MSRA: variants seen among roughly 807,000 people sequenced by gnomAD.
The protein encoded by MSRA is methionine sulfoxide reductase A.
In MSRA, 54 loss-of-function variants were observed where a neutral mutation model predicts 31.3. The ratio of observed to expected loss-of-function variants is 1.73; its 90% CI spans 1.39 to 2.17. The LOEUF (loss-of-function observed/expected upper bound fraction) is 2.17. MSRA is among the 30% of genes most tolerant of loss of function. The pLI is 0.00. For missense variants in MSRA, 507 were observed against 300.9 expected (o/e 1.69, Z -5.07); for synonymous variants, 169 against 116.5 (o/e 1.45, Z -2.90).
At chr8:10,299,801 T>A (rs894117072) in intron 3 of MSRA, among the ~76,000 whole-genome samples, 1 of 152,162 alleles carries the variant, frequency 6.6e-6, no homozygotes, top group Non-Finnish European at 1.5e-5. Flanking sequence ...CTGGGTCAAC[T>A]TTACTGAAAA....
chr8:10,301,420 T>C (rs1301348791), intron 3 of MSRA, 114 bp from the exon 4 acceptor site: 5 of 731,362 alleles, frequency 6.8e-6, no homozygotes, highest in Admixed American at 2.5e-5. Flanking sequence ...CCTTCCATTC[T>C]TCCTTCACAG....
intron 1 of MSRA, among the ~76,000 whole-genome samples, chr8:10,204,287 A>G (rs995931022): frequency 6.6e-6 from 1 of 152,082 alleles, no homozygotes; most frequent in African/African-American, 2.4e-5. Flanking sequence ...TAAGTGCGTG[A>G]TATTTATAAA....
chr8:10,397,828 G>T (rs1052759324), intron 5 of MSRA, among the ~76,000 whole-genome samples: 14 of 152,138 alleles, frequency 9.2e-5, no homozygotes, highest in African/African-American at 3.4e-4. Context: ...ATAGTCTTTA[G>T]AACTTTTTAT....
At chr8:10,101,616 C>T (rs1410033734) in intron 1 of MSRA, among the ~76,000 whole-genome samples, 2 of 152,194 alleles carry the variant, frequency 1.3e-5, no homozygotes, top group Admixed American at 6.5e-5. Flanking sequence ...TCAGGTACCT[C>T]ATATAAGTGG....
At chr8:10,189,099 C>T (rs962695331) in intron 1 of MSRA, among the ~76,000 whole-genome samples, 2 of 152,098 alleles carry the variant, frequency 1.3e-5, no homozygotes, top group African/African-American at 4.8e-5. Flanking sequence ...AAAAATCTCC[C>T]TAGTATTTCA....
At chr8:10,116,054 T>A (rs1430295909) in intron 1 of MSRA, among the ~76,000 whole-genome samples, 2 of 152,144 alleles carry the variant, frequency 1.3e-5, no homozygotes, top group Non-Finnish European at 2.9e-5. Context: ...GAGTTGGAGC[T>A]GCTGAAATGG....
chr8:10,295,333 C>G (rs60443766), intron 3 of MSRA, among the ~76,000 whole-genome samples: 2,969 of 152,210 alleles, frequency 0.02, 87 homozygotes, highest in African/African-American at 0.066. Flanking sequence ...CTGCCTCTCT[C>G]ATTTCCCATT....
chr8:10,328,600 A>G (rs1490734180), intron 5 of MSRA, among the ~76,000 whole-genome samples: 1 of 152,046 alleles, frequency 6.6e-6, no homozygotes, highest in African/African-American at 2.4e-5. Context: ...TCTCTACTGT[A>G]TGTGGAATGA....
intron 3 of MSRA, among the ~76,000 whole-genome samples, chr8:10,247,327 C>G (rs1004387321): frequency 2.6e-5 from 4 of 152,164 alleles, no homozygotes; most frequent in African/African-American, 7.2e-5. Context: ...TAGCTCTCAG[C>G]TCAAAGTCTA....
chr8:10,062,087 T>C (rs921469633), intron 1 of MSRA, among the ~76,000 whole-genome samples: 8 of 152,170 alleles, frequency 5.3e-5, no homozygotes, highest in Admixed American at 4.6e-4. Context: ...ATGGGTCTTA[T>C]GAGGGTGAGT....
rs59393980 is a variant in MSRA, at chr8:10,219,806, C to CAAAAAAAAAAAAA, written c.211+11915_211+11927dup. ...GGACGACAGATCGAGACTCTGTCTC[C>CAAAAAAAAAAAAA]AAAAAAAAAAAAAAAAAAAAAAGAT... On this transcript the variant is annotated intron_variant, in intron 2 of 5. Coordinates refer to ENST00000317173, the MANE Select transcript of MSRA (RefSeq NM_012331.5). Among the ~76,000 whole-genome samples, 22 of 57,118 alleles carry CAAAAAAAAAAAAA rather than the reference C, an allele frequency of 3.9e-4. 1 individual carries two copies. The highest frequency in any genetic ancestry group is 6.3e-4 in the African/African-American group (7 of 11,076). 37.5% of individuals were successfully genotyped at this position (57,118 alleles called of 152,430 possible). A position where few individuals can be genotyped will look rare whatever the true frequency, so the allele number is the denominator to read the frequency against.
chr8:10,386,612 G>A (rs1336279400), intron 5 of MSRA, among the ~76,000 whole-genome samples: 5 of 152,166 alleles, frequency 3.3e-5, no homozygotes, highest in Admixed American at 6.5e-5. Context: ...CACAATTGTT[G>A]GGCCTTACCT....
intron 3 of MSRA, among the ~76,000 whole-genome samples, chr8:10,254,978 CT>C (rs1294628835): frequency 1.3e-5 from 2 of 152,170 alleles, no homozygotes; most frequent in African/African-American, 4.8e-5. Flanking sequence ...TTGTTTGAAA[CT>C]TTTATTAGGC....
chr8:10,225,721 G>A (rs980119408), intron 2 of MSRA, among the ~76,000 whole-genome samples: 2 of 152,120 alleles, frequency 1.3e-5, no homozygotes, highest in African/African-American at 2.4e-5. Context: ...GATGTCTGAC[G>A]AGCCTAGTTT....
chr8:10,161,304 C>G (rs145553361), intron 1 of MSRA, among the ~76,000 whole-genome samples: 25 of 152,186 alleles, frequency 1.6e-4, no homozygotes, highest in Non-Finnish European at 7.3e-5. Context: ...CCCCAACCCC[C>G]TGGCTGTTTT....
At chr8:10,397,131 G>A (rs1807145700) in intron 5 of MSRA, among the ~76,000 whole-genome samples, 1 of 152,224 alleles carries the variant, frequency 6.6e-6, no homozygotes, top group Non-Finnish European at 1.5e-5. Context: ...ATCCGCAGGT[G>A]TGGGCTTCAC....
chr8:10,200,404 C>G (rs990001091), intron 1 of MSRA, among the ~76,000 whole-genome samples: 1 of 152,220 alleles, frequency 6.6e-6, no homozygotes, highest in Non-Finnish European at 1.5e-5. Context: ...CTGCCTTCCC[C>G]TTCACCTCCA....
intron 1 of MSRA, 101 bp downstream of exon 1, chr8:10,054,759 G>C (rs1205144303): frequency 1.9e-5 from 24 of 1,270,958 alleles, no homozygotes; most frequent in African/African-American, 4.7e-5. Context: ...CCGTGGGCTG[G>C]CCTCGGGCGG....
intron 1 of MSRA, among the ~76,000 whole-genome samples, chr8:10,181,761 G>A (rs1264255229): frequency 6.6e-6 from 1 of 152,156 alleles, no homozygotes; most frequent in African/African-American, 2.4e-5. Flanking sequence ...GTATTATGAA[G>A]GTCAAGCTGG....
Sources: gnomAD v4.1 joint callset for allele counts (sites outside exome capture counted in the v4.1 genomes callset) on GRCh38, gnomAD v4.1.1 for gene constraint, MANE v1.5 for transcripts, NCBI Gene and HGNC (gene_info 2026-07-23, HGNC 2026-07-21) for gene names.